The following COA6 variants were observed in gnomAD, a reference collection of about 807,000 sequenced individuals.
The protein encoded by COA6 is cytochrome c oxidase assembly factor 6, also known as cytochrome c oxidase assembly factor 6 homolog.
COA6 carries 12 observed loss-of-function variants against 17.1 expected under a neutral mutation model. The ratio of observed to expected loss-of-function variants is 0.70; its 90% CI spans 0.45 to 1.14. The LOEUF is 1.14. Among genes scored for constraint, COA6 ranks in the 50% most tolerant of loss-of-function variants. The probability of loss-of-function intolerance (pLI) is 0.00; values close to 1 mark genes in which losing one functional copy is unlikely to be tolerated. For synonymous variants in COA6, 90 were observed against 73.4 expected (o/e 1.23, Z -1.16); for missense variants, 246 against 196.5 (o/e 1.25, Z -1.51).
At chr1:234,374,426 A>G in intron 2 of COA6, 37 bp downstream of exon 2, 2 of 1,606,718 alleles carry the variant, frequency 1.2e-6, no homozygotes, top group South Asian at 2.2e-5. Flanking sequence ...TTCCCTGTTA[A>G]GATACATCGA....
intron 2 of COA6, among the ~76,000 whole-genome samples, chr1:234,379,313 T>A (rs1658901875): frequency 6.6e-6 from 1 of 152,028 alleles, no homozygotes; most frequent in Admixed American, 6.6e-5. Flanking sequence ...GCTGTTGGCA[T>A]TAAGTCCAAG....
chr1:234,383,060 G>GA (rs1558126791), intron 2 of COA6, among the ~76,000 whole-genome samples: 3 of 113,804 alleles, frequency 2.6e-5, no homozygotes, highest in African/African-American at 6.3e-5. Flanking sequence ...GGGAGGGAGG[G>GA]AGGGAGGGAA....
At chr1:234,378,704 C>G (rs1417585691) in intron 2 of COA6, among the ~76,000 whole-genome samples, 3 of 152,110 alleles carry the variant, frequency 2.0e-5, no homozygotes, top group Non-Finnish European at 1.5e-5. Flanking sequence ...AAAACCCAGT[C>G]TCTACTAAAA....
rs1558123786 is a variant in COA6, at chr1:234,374,284, G to C, written c.267G>C (p.Trp89Cys). Residue 89 changes from tryptophan to cysteine, a missense_variant, in exon 2 of 3, where the codon TGG (tryptophan) becomes TGC (cysteine). Physicochemically the swap from Trp to Cys is radical, Grantham distance 215 (BLOSUM62 -2). Transcript: ENST00000366615. The part of the protein sequence containing the change: ...APSMKERQVC[W>C]GARDEYWKCL... Reference sequence around the variant, plus strand: ...CTATGAAGGAAAGACAGGTCTGCTGGGGGGCCCGGGATGAGTACTGGAAGT... The same window carrying C: ...CTATGAAGGAAAGACAGGTCTGCTGCGGGGCCCGGGATGAGTACTGGAAGT... The C allele has an allele frequency of 7.4e-6, 12 of 1,613,758 alleles. No homozygotes were observed. The highest frequency in any genetic ancestry group is 9.3e-6 in the Non-Finnish European group (11 of 1,179,932).
chr1:234,374,365 C>T lies in COA6; in HGVS notation c.348C>T (p.Phe116=), dbSNP rs760951357. 6.8e-6 allele frequency: 11 copies of T among 1,613,842 alleles called. No homozygotes were observed. In the Admixed American group the frequency reaches 1.3e-4, roughly 20 times the overall value. The change falls in exon 2 of 3, where the codon TTC becomes TTT. Residue 116 remains phenylalanine, a synonymous_variant. Transcript: ENST00000366615. ...ASQCKKLRSS[F]ESSCPQQWIK... ...AATGCAAGAAGTTAAGAAGCTCTTTCGAATCAAGTTGTCCCCAACAGTGGG... is the reference window on the plus strand; with the variant it reads ...AATGCAAGAAGTTAAGAAGCTCTTTTGAATCAAGTTGTCCCCAACAGTGGG...
At position 234,373,926 on chromosome 1, in the gene COA6, C is replaced by T. The variant is rs1558123542; in HGVS notation, c.212+248C>T. ...GCTCGGAGAGAATAAATGAGCTGCCCTAAGCGACTGGGACAGAACCACAGT... is the reference window on the plus strand; with the variant it reads ...GCTCGGAGAGAATAAATGAGCTGCCTTAAGCGACTGGGACAGAACCACAGT... On this transcript the variant is annotated intron_variant, in intron 1 of 2. Coordinates refer to ENST00000366615, the MANE Select transcript of COA6 (RefSeq NM_001206641.3). 8 of 1,459,814 alleles carry T rather than the reference C, an allele frequency of 5.5e-6. No homozygotes were observed. The Admixed American group carries it at 1.0e-4, about 19-fold the overall frequency. 90.4% of individuals were successfully genotyped at this position (1,459,814 alleles called of 1,614,324 possible).
intron 2 of COA6, among the ~76,000 whole-genome samples, chr1:234,376,491 C>T (rs889745461): frequency 9.2e-5 from 14 of 152,174 alleles, no homozygotes; most frequent in South Asian, 6.2e-4. Flanking sequence ...ATTTATCCCT[C>T]GTGGAACTCT....
At chr1:234,381,610 T>A (rs1658973165) in intron 2 of COA6, among the ~76,000 whole-genome samples, 1 of 152,162 alleles carries the variant, frequency 6.6e-6, no homozygotes, top group Non-Finnish European at 1.5e-5. Flanking sequence ...TCAGAAAGAT[T>A]ATACTCTGGC....
intron 2 of COA6, among the ~76,000 whole-genome samples, chr1:234,380,147 C>T (rs1658931932): frequency 6.6e-6 from 1 of 152,214 alleles, no homozygotes; most frequent in Non-Finnish European, 1.5e-5. Context: ...CCTTCACTAT[C>T]GGTTCTTTGC....
In COA6 at chr1:234,374,303, T is replaced by TGGAA; in HGVS notation, c.288_291dup (p.Cys98GlufsTer5). ...CTGCTGGGGGGCCCGGGATGAGTAC[T>TGGAA]GGAAGTGTTTAGATGAGAACTTAGA... On this transcript the variant is annotated frameshift_variant, in exon 2 of 3. Coordinates refer to ENST00000366615, the MANE Select transcript of COA6 (RefSeq NM_001206641.3). LOFTEE classifies it high-confidence loss of function. 1 of 1,614,034 alleles carries TGGAA rather than the reference T, an allele frequency of 6.2e-7. No homozygotes were observed. The highest frequency in any genetic ancestry group is 8.5e-7 in the Non-Finnish European group (1 of 1,179,992).
rs1450966100 is a variant in COA6 at position 234,374,371 on chromosome 1, A to C, written c.354A>C (p.Ser118=). The change falls in exon 2 of 3, where the codon TCA becomes TCC. Residue 118 remains serine, a synonymous_variant. Transcript: ENST00000366615. The part of the protein sequence containing the change: ...QCKKLRSSFE[S]SCPQQWIKYF... ...AGAAGTTAAGAAGCTCTTTCGAATC[A>C]AGTTGTCCCCAACAGTGGGTAAGTC... The C allele has an allele frequency of 1.9e-6, 3 of 1,614,128 alleles. No homozygotes were observed. Among genetic ancestry groups the C allele is most frequent in the East Asian group, 4.5e-5 (2 of 44,888 alleles).
intron 2 of COA6, among the ~76,000 whole-genome samples, chr1:234,378,294 G>A (rs1371353228): frequency 3.9e-5 from 6 of 152,108 alleles, no homozygotes; most frequent in Admixed American, 2.6e-4. Flanking sequence ...CACCTCCTAT[G>A]TGCCATAGGA....
chr1:234,383,544 AAAG>A (rs1225043962), intron 2 of COA6, among the ~76,000 whole-genome samples, 176 bp from the exon 3 acceptor site: 1 of 150,304 alleles, frequency 6.7e-6, no homozygotes, highest in Non-Finnish European at 1.5e-5. Context: ...ATAAAAAAAA[AAAG>A]AAAAACATCA....
At chr1:234,382,649 A>G (rs1659008556) in intron 2 of COA6, among the ~76,000 whole-genome samples, 1 of 152,210 alleles carries the variant, frequency 6.6e-6, no homozygotes, top group African/African-American at 2.4e-5. Flanking sequence ...AAATCCAAAG[A>G]AAGGCTTTTA....
chr1:234,381,549 G>T (rs945181216), intron 2 of COA6, among the ~76,000 whole-genome samples: 1 of 152,188 alleles, frequency 6.6e-6, no homozygotes, highest in Non-Finnish European at 1.5e-5. Flanking sequence ...AGGCAATATG[G>T]ATACCTTGAA....
chr1:234,373,623 G>A lies in COA6; in HGVS notation c.157G>A (p.Val53Met). Residue 53 changes from valine to methionine, a missense_variant, in exon 1 of 3, where the codon GTG (valine) becomes ATG (methionine). Coordinates refer to ENST00000366615, the MANE Select transcript of COA6 (RefSeq NM_001206641.3). Reference sequence around the variant, plus strand: ...CCTCCACCGCCGGTTGGTGGCCTGCGTGACAGTTTCCTCCCGTCGACATCG... The same window carrying A: ...CCTCCACCGCCGGTTGGTGGCCTGCATGACAGTTTCCTCCCGTCGACATCG... ...RALHRRLVAC[V>M]TVSSRRHRKE... 1 of 1,613,200 alleles carries A rather than the reference G, an allele frequency of 6.2e-7. No homozygotes were observed. The highest frequency in any genetic ancestry group is 8.5e-7 in the Non-Finnish European group (1 of 1,179,712).
At position 234,374,112 on chromosome 1, in the gene COA6, GT is replaced by G. The variant is rs61077059; in HGVS notation, c.213-101del. The G allele has an allele frequency of 0.54, 463,446 of 851,588 alleles. 95,793 individuals carry two copies. Among genetic ancestry groups the G allele is most frequent in the African/African-American group, 0.74 (42,422 of 57,332 alleles). 52.8% of individuals were successfully genotyped at this position (851,588 alleles called of 1,614,324 possible). ...CTAAGCATGGTTTTGTTTTGTTTTTGTTTTTTTTTTTTTTTTTAGTTTTAAA... is the reference window on the plus strand; with the variant it reads ...CTAAGCATGGTTTTGTTTTGTTTTTGTTTTTTTTTTTTTTTTAGTTTTAAA... On this transcript the variant is annotated intron_variant, in intron 1 of 2. Coordinates refer to ENST00000366615, the MANE Select transcript of COA6 (RefSeq NM_001206641.3).
chr1:234,379,521 C>T (rs765919779), intron 2 of COA6, among the ~76,000 whole-genome samples: 18 of 152,050 alleles, frequency 1.2e-4, no homozygotes, highest in African/African-American at 1.7e-4. Flanking sequence ...AAATTACCCG[C>T]GAGTTTTGAC....
chr1:234,382,969 T>C lies in COA6; in HGVS notation c.373-754T>C, dbSNP rs973342520. ...TTGCAGTGAGCCGAGATTGCTCCAC[T>C]GCACTCCAGCCTGGGTGACAGAGCG... is the stretch of plus-strand genomic sequence containing the variant. On this transcript the variant is annotated intron_variant, in intron 2 of 2. Transcript: ENST00000366615. 5.5e-5 allele frequency among the ~76,000 whole-genome samples: 8 copies of C among 145,398 alleles called. No individual in the cohort carries two copies. In the East Asian group the frequency reaches 1.5e-3, roughly 27 times the overall value.
Sources: gnomAD v4.1 joint callset for allele counts (sites outside exome capture counted in the v4.1 genomes callset) on GRCh38, gnomAD v4.1.1 for gene constraint, MANE v1.5 for transcripts, NCBI Gene and HGNC (gene_info 2026-07-23, HGNC 2026-07-21) for gene names.